The following MTUS2 variants were observed in gnomAD, a reference collection of about 807,000 sequenced individuals.
The protein encoded by MTUS2 is microtubule associated scaffold protein 2.
In MTUS2, 40 loss-of-function variants were observed where a neutral mutation model predicts 114.1. The observed-to-expected ratio is 0.35, with a 90% CI of 0.27 to 0.46. The LOEUF (loss-of-function observed/expected upper bound fraction) is 0.46, where lower values mean the gene tolerates loss of function less well. MTUS2 is among the 20% of genes least tolerant of loss of function. The pLI is 1.00. For missense variants in MTUS2, 1,679 were observed against 1,705.4 expected, an observed-to-expected ratio of 0.98 and a Z score of 0.27; for synonymous variants, 688 against 672.0, an observed-to-expected ratio of 1.02 and a Z score of -0.37.
At chr13:29,479,979 G>T in intron 9 of MTUS2, 171 bp from the exon 10 acceptor site, 1 of 597,948 alleles carries the variant, frequency 1.7e-6, no homozygotes, top group Non-Finnish European at 2.9e-6. Context: ...TCTGTTGTGA[G>T]GATCTAATGG....
intron 5 of MTUS2, among the ~76,000 whole-genome samples, chr13:29,258,299 T>G (rs1044160646): frequency 6.6e-6 from 1 of 152,232 alleles, no homozygotes; most frequent in Non-Finnish European, 1.5e-5. Flanking sequence ...CCTTGCTATG[T>G]GGTCCCCCAC....
At chr13:29,232,602 ATAGT>A (rs1481769905) in intron 5 of MTUS2, among the ~76,000 whole-genome samples, 7 of 152,210 alleles carry the variant, frequency 4.6e-5, no homozygotes, top group South Asian at 2.1e-4. Flanking sequence ...TCAAAGAATG[ATAGT>A]TAGTTTGCTT....
At chr13:29,009,886 T>C (rs1885762383) in intron 2 of MTUS2, among the ~76,000 whole-genome samples, 1 of 152,130 alleles carries the variant, frequency 6.6e-6, no homozygotes, top group Non-Finnish European at 1.5e-5. Flanking sequence ...TGTATGCCTT[T>C]GCTCTAATAG....
intron 8 of MTUS2, among the ~76,000 whole-genome samples, chr13:29,404,722 A>G (rs1418466358): frequency 6.6e-6 from 1 of 152,230 alleles, no homozygotes. Flanking sequence ...ATGAAGAGGC[A>G]TAAAGGGTAA....
chr13:29,228,195 C>T (rs766273920), intron 5 of MTUS2, among the ~76,000 whole-genome samples: 9 of 152,028 alleles, frequency 5.9e-5, no homozygotes, highest in East Asian at 1.9e-4. Flanking sequence ...TGGGTGAATA[C>T]GTGATAAATT....
At chr13:28,982,662 G>A (rs974920585) in intron 2 of MTUS2, among the ~76,000 whole-genome samples, 1 of 152,182 alleles carries the variant, frequency 6.6e-6, no homozygotes, top group Non-Finnish European at 1.5e-5. Context: ...ACAAAATGAG[G>A]TCTGTACATA....
At chr13:29,339,101 G>T (rs762694919) in intron 7 of MTUS2, among the ~76,000 whole-genome samples, 8 of 152,160 alleles carry the variant, frequency 5.3e-5, no homozygotes, top group Non-Finnish European at 8.8e-5. Context: ...TGTGCGCAGA[G>T]GTACATGGTC....
intron 5 of MTUS2, among the ~76,000 whole-genome samples, chr13:29,228,426 G>A (rs1393377688): frequency 9.2e-5 from 14 of 152,100 alleles, no homozygotes; most frequent in Admixed American, 9.2e-4. Flanking sequence ...GCTTAAGTGT[G>A]CCTCCCATCT....
chr13:29,359,455 G>A lies in MTUS2; in HGVS notation c.3099G>A (p.Thr1033=), dbSNP rs143108238. 1.3e-3 allele frequency: 2,163 copies of A among 1,611,054 alleles called. 21 individuals are homozygous for A. The African/African-American group carries it at 0.025, about 19-fold the overall frequency. ...ICGFDALAVA[T]QHFFRKNESA... is the part of the protein sequence containing the mutation. ...GCTTTGATGCCCTCGCCGTGGCCAC[G>A]CAGCATTTCTTTAGAAAGGTGAGGC... Residue 1033 remains threonine (T), a synonymous_variant, in exon 8 of 16, where the codon ACG becomes ACA. Coordinates refer to ENST00000612955, the MANE Select transcript of MTUS2 (RefSeq NM_001033602.4).
At chr13:29,272,462 T>G (rs1289444162) in intron 5 of MTUS2, among the ~76,000 whole-genome samples, 1 of 152,270 alleles carries the variant, frequency 6.6e-6, no homozygotes, top group Non-Finnish European at 1.5e-5. Context: ...AACCTCATTT[T>G]GGTCTGGTTA....
rs775023219 is a variant in MTUS2, at chr13:29,480,367, C to G, written c.3399+3C>G. 1 of 1,520,728 alleles carries G rather than the reference C, an allele frequency of 6.6e-7. No individual in the cohort carries two copies. The highest frequency in any genetic ancestry group is 1.3e-5 in the South Asian group (1 of 78,520). 94.2% of individuals were successfully genotyped at this position (1,520,728 alleles called of 1,614,324 possible). The stretch of plus-strand genomic sequence containing the variant: ...TCCGGTGTCAACACCAGGAGCAGGT[C>G]AGTCTGCAGTGCGGCTCGAGCTCTG... On this transcript the variant is annotated splice_donor_region_variant and intron_variant, in intron 10 of 15. Transcript: ENST00000612955. The surrounding 1 kb of genome is among the most constrained non-coding windows in gnomAD (Gnocchi z 4.4).
At chr13:29,079,714 G>T (rs1889357397) in intron 4 of MTUS2, among the ~76,000 whole-genome samples, 1 of 152,072 alleles carries the variant, frequency 6.6e-6, no homozygotes, top group South Asian at 2.1e-4. Flanking sequence ...CAAATATTGG[G>T]TTTATTTCTG....
intron 12 of MTUS2, 122 bp from the exon 13 acceptor site, chr13:29,497,116 C>A: frequency 1.2e-6 from 1 of 828,640 alleles, no homozygotes; most frequent in Non-Finnish European, 2.0e-6. Flanking sequence ...TTCTTCAGCC[C>A]CAAGGGAAAC....
chr13:29,473,820 G>A, intron 9 of MTUS2, among the ~76,000 whole-genome samples: 1 of 151,604 alleles, frequency 6.6e-6, no homozygotes, highest in East Asian at 1.9e-4. Context: ...TATGATAGTG[G>A]TGTCTGCCTT....
chr13:29,269,546 A>G (rs560013267), intron 5 of MTUS2, among the ~76,000 whole-genome samples: 1 of 152,366 alleles, frequency 6.6e-6, no homozygotes, highest in South Asian at 2.1e-4. Context: ...TCTTATTAAA[A>G]GGACAAAAGA....
In MTUS2 at chr13:29,223,748, GAGA is replaced by G. The variant is rs1895998768; in HGVS notation, c.2645-57951_2645-57949del. 2.6e-5 allele frequency among the ~76,000 whole-genome samples: 4 copies of G among 152,358 alleles called. No individual in the cohort carries two copies. The South Asian group carries it at 6.2e-4, about 24-fold the overall frequency. On this transcript the variant is annotated intron_variant, in intron 5 of 15. Transcript: ENST00000612955. ...ACCATGTTGGAGGTGATGAGAAGGA[GAGA>G]AGAAAGGAGAGAGGATCTGTGGCCC...
intron 4 of MTUS2, among the ~76,000 whole-genome samples, chr13:29,054,594 A>G (rs548822729): frequency 2.6e-5 from 4 of 152,252 alleles, no homozygotes; most frequent in Non-Finnish European, 5.9e-5. Context: ...TAATTTCACA[A>G]CAGTTTAAGT....
chr13:28,967,062 C>G (rs1317070470), intron 2 of MTUS2, among the ~76,000 whole-genome samples: 1 of 152,206 alleles, frequency 6.6e-6, no homozygotes, highest in Admixed American at 6.5e-5. Context: ...TTAACTACCT[C>G]ATGAAACTGC....
chr13:29,337,301 T>A (rs1194480531), intron 7 of MTUS2, among the ~76,000 whole-genome samples: 2 of 152,172 alleles, frequency 1.3e-5, no homozygotes, highest in Non-Finnish European at 2.9e-5. Flanking sequence ...AATCTCCTGG[T>A]CTGTGGGTTG....
Sources: allele counts gnomAD v4.1 joint callset (sites outside exome capture counted in the v4.1 genomes callset), GRCh38; gene constraint gnomAD v4.1.1; non-coding constraint Gnocchi (gnomAD v3.1); transcripts MANE v1.5; gene names NCBI Gene and HGNC (gene_info 2026-07-23, HGNC 2026-07-21).